Variants in SRGAP3 observed in about 807,000 individuals in gnomAD.
The protein encoded by SRGAP3 is SLIT-ROBO Rho GTPase-activating protein 3.
A neutral mutation model predicts 121.1 loss-of-function variants in SRGAP3; 39 were observed. The ratio of observed to expected loss-of-function variants is 0.32; its 90% CI spans 0.25 to 0.42. The LOEUF (loss-of-function observed/expected upper bound fraction) is 0.42, where lower values mean the gene tolerates loss of function less well. Among genes scored for constraint, SRGAP3 ranks in the 10% least tolerant of loss-of-function variants. The pLI is 1.00. For synonymous variants in SRGAP3, 601 were observed against 570.0 expected, an observed-to-expected ratio of 1.05 and a Z score of -0.77; for missense variants, 1,213 against 1,470.6, an observed-to-expected ratio of 0.82 and a Z score of 2.86.
intron 3 of SRGAP3, among the ~76,000 whole-genome samples, chr3:9,095,627 C>T (rs941254113): frequency 6.6e-6 from 1 of 152,112 alleles, no homozygotes; most frequent in African/African-American, 2.4e-5. Context: ...TGTCGTTTAC[C>T]AAGTTTCCAT....
rs1383216146 is a variant in SRGAP3, at chr3:9,239,764, T to C, written c.67+9121A>G. Among the ~76,000 whole-genome samples the C allele has an allele frequency of 1.3e-5, 2 of 152,244 alleles. No homozygotes were observed. The highest frequency in any genetic ancestry group is 1.5e-5 in the Non-Finnish European group (1 of 68,048). ...TCCTAGGTGAACTCAAAGCACTACA[T>C]TGATATCACTCAGCTCAACTAGATG... On this transcript the variant is annotated intron_variant, in intron 1 of 21. Coordinates refer to ENST00000383836, the MANE Select transcript of SRGAP3 (RefSeq NM_014850.4). The surrounding 1 kb of genome is among the most constrained non-coding windows in gnomAD (Gnocchi z 4.0).
intron 4 of SRGAP3, among the ~76,000 whole-genome samples, chr3:9,078,468 G>A (rs890824284): frequency 3.9e-5 from 6 of 152,090 alleles, no homozygotes; most frequent in Non-Finnish European, 7.4e-5. Context: ...CCCCCACCGT[G>A]AGTATGTACA....
chr3:9,014,043 C>A, intron 15 of SRGAP3: 1 of 641,348 alleles, frequency 1.6e-6, no homozygotes, highest in Non-Finnish European at 2.8e-6. Flanking sequence ...GGAGGTGTGG[C>A]CTAATCAAGA....
intron 14 of SRGAP3, among the ~76,000 whole-genome samples, chr3:9,024,086 G>A (rs1386123580): frequency 7.9e-5 from 12 of 152,292 alleles, no homozygotes; most frequent in African/African-American, 2.9e-4. Flanking sequence ...AATTCTATGG[G>A]TGGAAACACA....
At chr3:9,356,650 G>A (rs1446302913) in intron 1 of SRGAP3, among the ~76,000 whole-genome samples, 1 of 152,070 alleles carries the variant, frequency 6.6e-6, no homozygotes, top group African/African-American at 2.4e-5. Context: ...TAGGATTACA[G>A]GCGTGAGCCA....
At chr3:9,131,666 C>A (rs1949453141) in intron 1 of SRGAP3, among the ~76,000 whole-genome samples, 1 of 151,676 alleles carries the variant, frequency 6.6e-6, no homozygotes, top group Non-Finnish European at 1.5e-5. Context: ...GGTCTTGAAC[C>A]CCTGACCTCA....
chr3:9,321,708 C>T (rs755254497), intron 3 of SRGAP3, among the ~76,000 whole-genome samples: 1 of 151,798 alleles, frequency 6.6e-6, no homozygotes, highest in Non-Finnish European at 1.5e-5. Flanking sequence ...CCATTATCCT[C>T]AGCAAACTAA....
intron 1 of SRGAP3, chr3:9,217,808 T>A (rs916555870): frequency 6.6e-6 from 1 of 152,156 alleles, no homozygotes; most frequent in African/African-American, 2.4e-5. Flanking sequence ...ATGAGACCTG[T>A]GGCCTTTGGA....
chr3:9,035,461 G>C (rs1338406331), intron 11 of SRGAP3: 1 of 178,070 alleles, frequency 5.6e-6, no homozygotes, highest in Non-Finnish European at 1.2e-5. Flanking sequence ...AGGAAACGTA[G>C]CTATCCCAAC....
chr3:9,069,544 G>A (rs1946589908), intron 4 of SRGAP3, among the ~76,000 whole-genome samples: 1 of 152,246 alleles, frequency 6.6e-6, no homozygotes, highest in Non-Finnish European at 1.5e-5. Flanking sequence ...GGATGTGTCA[G>A]TTAAGACCAC....
intron 1 of SRGAP3, among the ~76,000 whole-genome samples, chr3:9,247,897 T>C (rs941441537): frequency 4.7e-4 from 72 of 152,196 alleles, no homozygotes; most frequent in African/African-American, 1.6e-3. Flanking sequence ...GCTTTTAGAT[T>C]TTCCTTGCCA....
intron 2 of SRGAP3, among the ~76,000 whole-genome samples, chr3:9,118,087 A>G (rs2664072): frequency 0.76 from 116,012 of 151,996 alleles, 44,832 homozygotes; most frequent in African/African-American, 0.9. Context: ...AGCTGTGATC[A>G]CACCACTACA....
intron 1 of SRGAP3, among the ~76,000 whole-genome samples, chr3:9,335,836 C>T (rs773376861): frequency 6.6e-6 from 1 of 152,098 alleles, no homozygotes; most frequent in Non-Finnish European, 1.5e-5. Flanking sequence ...GGGATGCAGC[C>T]TGGACTTTAG....
intron 1 of SRGAP3, among the ~76,000 whole-genome samples, chr3:9,359,170 G>GGA (rs1559292207): frequency 6.6e-6 from 1 of 152,166 alleles, no homozygotes; most frequent in Non-Finnish European, 1.5e-5. Flanking sequence ...AGTTCTCTTT[G>GGA]GAACTTAAAT....
At chr3:9,040,759 A>C (rs911710448) in intron 10 of SRGAP3, among the ~76,000 whole-genome samples, 1 of 151,970 alleles carries the variant, frequency 6.6e-6, no homozygotes, top group Non-Finnish European at 1.5e-5. Context: ...AGGTCTTACT[A>C]TGTTGCCCAG....
At chr3:9,268,613 G>C (rs1254110093) in intron 3 of SRGAP3, among the ~76,000 whole-genome samples, 2 of 152,050 alleles carry the variant, frequency 1.3e-5, no homozygotes, top group Non-Finnish European at 2.9e-5. Context: ...AAGCAGTCTT[G>C]TAAGAGACCC....
At chr3:9,171,801 G>T (rs190869821) in intron 1 of SRGAP3, among the ~76,000 whole-genome samples, 1 of 151,976 alleles carries the variant, frequency 6.6e-6, no homozygotes, top group Non-Finnish European at 1.5e-5. Context: ...ATAGCATCTC[G>T]GACTGAGTGA....
chr3:9,011,221 T>C (rs763362065), intron 17 of SRGAP3, among the ~76,000 whole-genome samples: 3 of 152,118 alleles, frequency 2.0e-5, no homozygotes, highest in Non-Finnish European at 4.4e-5. Flanking sequence ...TTGCAAGTTA[T>C]GTTATGTAGT....
intron 1 of SRGAP3, among the ~76,000 whole-genome samples, chr3:9,156,662 G>A (rs1389522466): frequency 6.6e-6 from 1 of 152,180 alleles, no homozygotes; most frequent in Non-Finnish European, 1.5e-5. Flanking sequence ...AGACCCATTT[G>A]CTTTCCCTTA....
Sources: allele counts gnomAD v4.1 joint callset (sites outside exome capture counted in the v4.1 genomes callset), GRCh38; gene constraint gnomAD v4.1.1; non-coding constraint Gnocchi (gnomAD v3.1); transcripts MANE v1.5; gene names NCBI Gene and HGNC (gene_info 2026-07-23, HGNC 2026-07-21).